Variants in PCDHGA5 observed in about 807,000 individuals in gnomAD.
PCDHGA5 encodes protocadherin gamma subfamily A, 5, also known as protocadherin gamma-A5.
A neutral mutation model predicts 56.7 loss-of-function variants in PCDHGA5; 36 were observed. The ratio of observed to expected loss-of-function variants is 0.64; its 90% CI spans 0.49 to 0.84. The LOEUF (loss-of-function observed/expected upper bound fraction) is 0.84. Among genes scored for constraint, PCDHGA5 ranks in the 40% least tolerant of loss-of-function variants. The probability of loss-of-function intolerance (pLI) is 0.00; values close to 1 mark genes in which losing one functional copy is unlikely to be tolerated. For synonymous variants in PCDHGA5, 563 were observed against 520.2 expected (o/e 1.08, Z -1.12); for missense variants, 1,305 against 1,201.5 (o/e 1.09, Z -1.27).
At chr5:141,472,359 G>T (rs2099278248) in intron 1 of PCDHGA5, among the ~76,000 whole-genome samples, 1 of 151,944 alleles carries the variant, frequency 6.6e-6, no homozygotes, top group Admixed American at 6.6e-5. Flanking sequence ...GGCTAACACG[G>T]TGAAACCCCG....
At chr5:141,480,948 G>C (rs1288557779) in intron 1 of PCDHGA5, among the ~76,000 whole-genome samples, 1 of 152,138 alleles carries the variant, frequency 6.6e-6, no homozygotes, top group Non-Finnish European at 1.5e-5. Context: ...TAGAGGCTGA[G>C]GCGGAAGCAT....
Position 141,365,177 on chromosome 5 carries a change from A to G in PCDHGA5, c.847A>G (p.Asn283Asp). 1.9e-6 allele frequency: 3 copies of G among 1,613,884 alleles called. No homozygotes were observed. Among genetic ancestry groups the G allele is most frequent in the Non-Finnish European group, 2.5e-6 (3 of 1,179,886 alleles). ...CGGGAAATTGACCTACTCTTTTCGC[A>G]ATGAAGAAGAAAAAATTTCGGAGAC... The part of the protein sequence containing the change: ...INGKLTYSFR[N>D]EEEKISETFQ... The change falls in exon 1 of 4, where the codon AAT becomes GAT. Residue 283 changes from asparagine to aspartate, a missense_variant. Physicochemically the swap from Asn to Asp is conservative, Grantham distance 23 (BLOSUM62 1). Transcript: ENST00000518069.
At chr5:141,435,510 T>C (rs72790047) in intron 1 of PCDHGA5, among the ~76,000 whole-genome samples, 9,714 of 152,280 alleles carry the variant, frequency 0.064, 363 homozygotes, top group African/African-American at 0.099. Context: ...ATGATACTAA[T>C]GATGACTTTG....
rs1346215388 is a variant in PCDHGA5 at position 141,366,496 on chromosome 5, A to T, written c.2166A>T (p.Ser722=). Residue 722 remains serine (S), a synonymous_variant, in exon 1 of 4, where the codon TCA becomes TCT. Coordinates refer to ENST00000518069, the MANE Select transcript of PCDHGA5 (RefSeq NM_018918.3). ...LVLRLRRWHK[S]RLLQAEGSRL... is the part of the protein sequence containing the mutation. Reference sequence around the variant, plus strand: ...TCAGACTGAGGCGCTGGCACAAGTCACGCCTGCTTCAGGCTGAAGGCAGCA... The same window carrying T: ...TCAGACTGAGGCGCTGGCACAAGTCTCGCCTGCTTCAGGCTGAAGGCAGCA... 6.2e-7 allele frequency: 1 copy of T among 1,614,218 alleles called. No homozygotes were observed. The highest frequency in any genetic ancestry group is 2.2e-5 in the East Asian group (1 of 44,888).
chr5:141,421,055 C>A, intron 1 of PCDHGA5: 2 of 577,118 alleles, frequency 3.5e-6, no homozygotes, highest in South Asian at 2.4e-5. Flanking sequence ...GCCTCTACCA[C>A]ACAAAGCGGA....
intron 1 of PCDHGA5, among the ~76,000 whole-genome samples, chr5:141,407,024 A>G (rs909800590): frequency 6.6e-6 from 1 of 152,232 alleles, no homozygotes; most frequent in Non-Finnish European, 1.5e-5. Context: ...TCAAAATTCT[A>G]TGCTAAACAT....
At chr5:141,395,526 G>T in intron 1 of PCDHGA5, 4 of 357,898 alleles carry the variant, frequency 1.1e-5, no homozygotes, top group Admixed American at 4.6e-5. Context: ...GTCCATACTG[G>T]TAATTTTGCT....
rs1001719735 is a variant in PCDHGA5 at position 141,512,055 on chromosome 5, TGAC to T, written c.*883_*885del. 10 of 152,698 alleles carry T rather than the reference TGAC, an allele frequency of 6.5e-5. No homozygotes were observed. The highest frequency in any genetic ancestry group is 1.4e-4 in the African/African-American group (6 of 41,450). 9.5% of individuals were successfully genotyped at this position (152,698 alleles called of 1,614,324 possible). On this transcript the variant is annotated 3_prime_UTR_variant, in exon 4 of 4. Coordinates refer to ENST00000518069, the MANE Select transcript of PCDHGA5 (RefSeq NM_018918.3). ...GAGGCTCTGTATGTCCTCAGGGGACTGACAACATCCTCCAGATTCCAGCCATAA... is the reference window on the plus strand; with the variant it reads ...GAGGCTCTGTATGTCCTCAGGGGACTAACATCCTCCAGATTCCAGCCATAA...
intron 1 of PCDHGA5, chr5:141,421,591 G>T: frequency 6.2e-7 from 1 of 1,613,874 alleles, no homozygotes; most frequent in Non-Finnish European, 8.5e-7. Context: ...CGGAGTGGAG[G>T]TGGAAATAAT....
rs560733170 is a variant in PCDHGA5, at chr5:141,503,895, A to G, written c.2481-1498A>G. ...TTGTGCTCACCCACCATGACAAAATATGCACACACACAACGCAACACACAC... is the reference window on the plus strand; with the variant it reads ...TTGTGCTCACCCACCATGACAAAATGTGCACACACACAACGCAACACACAC... On this transcript the variant is annotated intron_variant, in intron 2 of 3. Transcript: ENST00000518069. Among the ~76,000 whole-genome samples, 12 of 152,302 alleles carry G rather than the reference A, an allele frequency of 7.9e-5. No individual in the cohort carries two copies. The South Asian group carries it at 2.1e-3, about 26-fold the overall frequency.
intron 1 of PCDHGA5, chr5:141,383,403 G>A: frequency 6.2e-7 from 1 of 1,614,000 alleles, no homozygotes; most frequent in Non-Finnish European, 8.5e-7. Flanking sequence ...ACTCCCTCCA[G>A]AGTTACCAGC....
In PCDHGA5 at chr5:141,395,543, TG is replaced by T. The variant is rs1247307480; in HGVS notation, c.2421+28793del. 6.3e-3 allele frequency: 52 copies of T among 8,206 alleles called. 1 individual carries two copies. The highest frequency in any genetic ancestry group is 0.048 in the African/African-American group (46 of 952). 0.5% of individuals were successfully genotyped at this position (8,206 alleles called of 1,614,324 possible). On this transcript the variant is annotated intron_variant, in intron 1 of 3. Coordinates refer to ENST00000518069, the MANE Select transcript of PCDHGA5 (RefSeq NM_018918.3). ...CCATACTGGTAATTTTGCTATTGTT[TG>T]TGTGTGTGTGTGTGTGTGTGTGTGT...
At chr5:141,500,822 T>A (rs1377955680) in intron 2 of PCDHGA5, among the ~76,000 whole-genome samples, 1 of 152,240 alleles carries the variant, frequency 6.6e-6, no homozygotes, top group African/African-American at 2.4e-5. Context: ...TACATATTAT[T>A]TTTCTAATGC....
chr5:141,427,646 C>A, intron 1 of PCDHGA5: 1 of 715,440 alleles, frequency 1.4e-6, no homozygotes, highest in East Asian at 2.7e-5. Context: ...ACCAAGTCTC[C>A]TACGTGGTCC....
intron 1 of PCDHGA5, chr5:141,400,120 C>T: frequency 1.2e-6 from 2 of 1,614,076 alleles, no homozygotes; most frequent in Non-Finnish European, 1.7e-6. Flanking sequence ...TGACAGCTTG[C>T]AGGAGGTGCT....
intron 1 of PCDHGA5, chr5:141,376,103 G>T (rs1035502137): frequency 3.1e-6 from 5 of 1,613,624 alleles, no homozygotes; most frequent in African/African-American, 2.7e-5. Context: ...CATCCTGGCC[G>T]ACCTGGGCAG....
chr5:141,438,955 C>T (rs965336489), intron 1 of PCDHGA5, among the ~76,000 whole-genome samples: 3 of 151,926 alleles, frequency 2.0e-5, no homozygotes, highest in Non-Finnish European at 4.4e-5. Flanking sequence ...CATGAGCCAC[C>T]GCACCCTGCC....
intron 1 of PCDHGA5, chr5:141,421,393 G>A: frequency 6.2e-7 from 1 of 1,614,038 alleles, no homozygotes; most frequent in Non-Finnish European, 8.5e-7. Flanking sequence ...CCTGGGGCTG[G>A]AGCCCCGGGA....
rs1337477969 is a variant in PCDHGA5, at chr5:141,366,696, A to T, written c.2366A>T (p.Glu789Val). Residue 789 changes from glutamate (E) to valine (V), a missense_variant, in exon 1 of 4, where the codon GAG (glutamate) becomes GTG (valine). Transcript: ENST00000518069. ...LLSEESCEKSEPLLMSDKVDA... is the reference protein window; with the variant it reads ...LLSEESCEKSVPLLMSDKVDA... ...AGTGAAGAGAGCTGTGAGAAAAGCG[A>T]GCCTCTTCTGATGTCTGATAAGGTA... 6.2e-7 allele frequency: 1 copy of T among 1,614,244 alleles called. No individual in the cohort carries two copies.
Sources: gnomAD v4.1 joint callset for allele counts (sites outside exome capture counted in the v4.1 genomes callset) on GRCh38, gnomAD v4.1.1 for gene constraint, MANE v1.5 for transcripts, NCBI Gene and HGNC (gene_info 2026-07-23, HGNC 2026-07-21) for gene names.